MTMR9: variants seen among roughly 807,000 people sequenced by gnomAD.
The protein encoded by MTMR9 is myotubularin related protein 9.
A neutral mutation model predicts 69.5 loss-of-function variants in MTMR9; 39 were observed. The ratio of observed to expected loss-of-function variants is 0.56; its 90% CI spans 0.43 to 0.73. MTMR9 has a LOEUF of 0.73. Ranked by LOEUF, MTMR9 falls within the 30% of genes least tolerant of loss-of-function variation. MTMR9 has a pLI of 0.00. For synonymous variants in MTMR9, 354 were observed against 240.8 expected, an observed-to-expected ratio of 1.47 and a Z score of -4.35; for missense variants, 900 against 671.2, an observed-to-expected ratio of 1.34 and a Z score of -3.77.
chr8:11,303,122 C>T (rs1799810141), intron 3 of MTMR9, among the ~76,000 whole-genome samples: 1 of 148,744 alleles, frequency 6.7e-6, no homozygotes, highest in African/African-American at 2.5e-5. Flanking sequence ...CATGGAAGAC[C>T]AAAAGACCAA....
the MTMR9 span, among the ~76,000 whole-genome samples, chr8:11,337,961 C>A: frequency 6.6e-6 from 1 of 152,212 alleles, no homozygotes; most frequent in African/African-American, 2.4e-5. Flanking sequence ...AACATGGTTC[C>A]TGCTGTAGTT....
At chr8:11,289,216 A>C (rs1799294810) in intron 1 of MTMR9, among the ~76,000 whole-genome samples, 1 of 152,184 alleles carries the variant, frequency 6.6e-6, no homozygotes, top group South Asian at 2.1e-4. Context: ...TGTAGTCACA[A>C]GGAATCTGAT....
the MTMR9 span, among the ~76,000 whole-genome samples, chr8:11,334,280 C>A: frequency 6.6e-6 from 1 of 152,156 alleles, no homozygotes; most frequent in Admixed American, 6.5e-5. Context: ...TGGCTTGTAA[C>A]TCCACTTTTT....
chr8:11,333,752 T>C, the MTMR9 span, among the ~76,000 whole-genome samples: 2 of 152,040 alleles, frequency 1.3e-5, no homozygotes, highest in African/African-American at 2.4e-5. Context: ...CTAAAGGGAG[T>C]CCTTGAAGGT....
At chr8:11,328,563 C>G (rs1368509082), downstream of MTMR9, among the ~76,000 whole-genome samples, 6 of 152,124 alleles carry the variant, frequency 3.9e-5, no homozygotes, top group East Asian at 1.2e-3. Context: ...AGTAGAATGC[C>G]AGCTATTAAA....
chr8:11,323,658 G>C lies in MTMR9; in HGVS notation c.*870G>C, dbSNP rs1427273550. ...GCTACAAATAGGTTTTCTTAAACCA[G>C]AGATGCACTGCCCTTGTCTAAAGTT... On this transcript the variant is annotated 3_prime_UTR_variant, in exon 10 of 10. Coordinates refer to ENST00000221086, the MANE Select transcript of MTMR9 (RefSeq NM_015458.4). 1 of 151,402 alleles carries C rather than the reference G, an allele frequency of 6.6e-6. No individual in the cohort carries two copies. Among genetic ancestry groups the C allele is most frequent in the Non-Finnish European group, 1.5e-5 (1 of 68,036 alleles). The allele number at this position is 151,402 out of a possible 1,614,324, so 9.4% of individuals were successfully genotyped here.
chr8:11,322,843 C>A lies in MTMR9; in HGVS notation c.*55C>A. ...TTCTTGGGCCTGTGTCCGCCGTTCT[C>A]TCCTTGTGCCCTTCAGTTCACTTTT... On this transcript the variant is annotated 3_prime_UTR_variant, in exon 10 of 10. Transcript: ENST00000221086. 6.6e-7 allele frequency: 1 copy of A among 1,526,534 alleles called. No homozygotes were observed. Among genetic ancestry groups the A allele is most frequent in the Non-Finnish European group, 8.9e-7 (1 of 1,123,902 alleles). The allele number at this position is 1,526,534 out of a possible 1,614,324, so 94.6% of individuals were successfully genotyped here.
In MTMR9 at chr8:11,319,750, G is replaced by A. The variant is rs1386872985; in HGVS notation, c.1398G>A (p.Glu466=). Residue 466 remains glutamate, a synonymous_variant, in exon 9 of 10, where the codon GAG becomes GAA. Coordinates refer to ENST00000221086, the MANE Select transcript of MTMR9 (RefSeq NM_015458.4). The stretch of plus-strand genomic sequence containing the variant: ...GGTCCTGGGTTAATCAGCCCAGTGA[G>A]CTGAGTAAATTCACCAATCCCCTCT... The part of the protein sequence containing the change: ...SLWSWVNQPS[E]LSKFTNPLFE... The A allele has an allele frequency of 6.2e-7, 1 of 1,614,076 alleles. No homozygotes were observed. Among genetic ancestry groups the A allele is most frequent in the Non-Finnish European group, 8.5e-7 (1 of 1,180,026 alleles).
At chr8:11,321,076 C>G (rs185440093) in intron 9 of MTMR9, 1 of 165,946 alleles carries the variant, frequency 6.0e-6, no homozygotes, top group Non-Finnish European at 1.3e-5. Context: ...TGTCTCTTCT[C>G]TGGATGTCAG....
At chr8:11,315,476 C>G (rs189849802) in intron 7 of MTMR9, among the ~76,000 whole-genome samples, 1 of 152,122 alleles carries the variant, frequency 6.6e-6, no homozygotes, top group South Asian at 2.1e-4. Flanking sequence ...AAGCTTCCTT[C>G]AAAGATAAAA....
At chr8:11,335,990 A>G in the MTMR9 span, among the ~76,000 whole-genome samples, 1 of 152,244 alleles carries the variant, frequency 6.6e-6, no homozygotes, top group Non-Finnish European at 1.5e-5. Flanking sequence ...GGTAGTGAAT[A>G]ACATTCTATC....
At chr8:11,302,327 A>G (rs1285342954) in intron 3 of MTMR9, among the ~76,000 whole-genome samples, 6 of 150,144 alleles carry the variant, frequency 4.0e-5, no homozygotes, top group Admixed American at 4.0e-4. Context: ...CAATATTCAA[A>G]TGCATAATGG....
downstream of MTMR9, chr8:11,331,513 G>A (rs569637796): frequency 6.2e-7 from 1 of 1,613,802 alleles, no homozygotes; most frequent in African/African-American, 1.3e-5. Flanking sequence ...GTTCGCAAAG[G>A]TTCTTCCACC....
chr8:11,316,627 G>C (rs1585131398), intron 7 of MTMR9, 46 bp from the exon 8 acceptor site: 7 of 1,328,010 alleles, frequency 5.3e-6, no homozygotes, highest in Non-Finnish European at 7.2e-6. Flanking sequence ...GCTCTGTCAT[G>C]TGATCTCACC....
downstream of MTMR9, among the ~76,000 whole-genome samples, chr8:11,330,262 A>C (rs1222425212): frequency 1.8e-4 from 21 of 113,568 alleles, no homozygotes; most frequent in South Asian, 3.4e-4. Context: ...TCAGCCCCCC[A>C]CCGGCCAGCC....
intron 3 of MTMR9, among the ~76,000 whole-genome samples, chr8:11,303,641 C>G (rs956057533): frequency 6.6e-6 from 1 of 152,048 alleles, no homozygotes; most frequent in African/African-American, 2.4e-5. Flanking sequence ...TCCCGTGATT[C>G]TTTCACCTCA....
chr8:11,299,412 C>A (rs938372144), intron 2 of MTMR9, among the ~76,000 whole-genome samples: 1 of 152,182 alleles, frequency 6.6e-6, no homozygotes, highest in African/African-American at 2.4e-5. Context: ...CTTAATGCTT[C>A]AACAACACTA....
At chr8:11,288,732 A>G (rs556342131) in intron 1 of MTMR9, among the ~76,000 whole-genome samples, 10 of 152,192 alleles carry the variant, frequency 6.6e-5, no homozygotes, top group African/African-American at 2.4e-4. Context: ...AATGGTTTTC[A>G]TGGGAGCCCT....
intron 6 of MTMR9, 115 bp from the exon 7 acceptor site, chr8:11,314,808 A>G (rs1394102390): frequency 2.1e-6 from 2 of 959,862 alleles, no homozygotes; most frequent in Non-Finnish European, 3.2e-6. Context: ...AATACACTAA[A>G]TAAACTGAAC....
Sources: gnomAD v4.1 joint callset for allele counts (sites outside exome capture counted in the v4.1 genomes callset) on GRCh38, gnomAD v4.1.1 for gene constraint, MANE v1.5 for transcripts, NCBI Gene and HGNC (gene_info 2026-07-23, HGNC 2026-07-21) for gene names.